TDP1: variants seen among roughly 807,000 people sequenced by gnomAD.
The protein encoded by TDP1 is tyr-DNA phosphodiesterase 1.
A neutral mutation model predicts 81.5 loss-of-function variants in TDP1; 64 were observed. That is an observed-to-expected ratio of 0.79 (90% confidence interval 0.64 to 0.97). The LOEUF (loss-of-function observed/expected upper bound fraction) is 0.97, where lower values mean the gene tolerates loss of function less well. Ranked by LOEUF, TDP1 falls within the 50% of genes least tolerant of loss-of-function variation. The pLI, the probability that TDP1 is intolerant of heterozygous loss-of-function variation, is 0.00. For missense variants in TDP1, 723 were observed against 743.8 expected, an observed-to-expected ratio of 0.97 and a Z score of 0.33; for synonymous variants, 256 against 264.3, an observed-to-expected ratio of 0.97 and a Z score of 0.30.
At chr14:90,005,293 C>G (rs1897562834) in intron 14 of TDP1, among the ~76,000 whole-genome samples, 1 of 152,192 alleles carries the variant, frequency 6.6e-6, no homozygotes, top group Non-Finnish European at 1.5e-5. Flanking sequence ...AAACCCCTTT[C>G]AGAAGCCACC....
chr14:89,985,591 A>G (rs1895469853), intron 10 of TDP1, among the ~76,000 whole-genome samples: 1 of 152,234 alleles, frequency 6.6e-6, no homozygotes, highest in South Asian at 2.1e-4. Context: ...GCTATAATAT[A>G]TTTTGATTAT....
chr14:89,975,224 G>C (rs1362677572), intron 6 of TDP1, among the ~76,000 whole-genome samples: 5 of 152,092 alleles, frequency 3.3e-5, no homozygotes, highest in Non-Finnish European at 7.4e-5. Context: ...TACAGGCGCT[G>C]GCCACCACGC....
intron 13 of TDP1, chr14:89,993,113 G>A (rs1896358531): frequency 1.4e-5 from 14 of 972,154 alleles, no homozygotes; most frequent in Non-Finnish European, 1.6e-5. Context: ...TAATATGTAT[G>A]CATGTATGTA....
At chr14:89,983,628 T>C (rs780840329) in intron 8 of TDP1, among the ~76,000 whole-genome samples, 1 of 152,238 alleles carries the variant, frequency 6.6e-6, no homozygotes, top group Non-Finnish European at 1.5e-5. Context: ...CTGTAAGTCA[T>C]TGCTTTGCAA....
intron 15 of TDP1, among the ~76,000 whole-genome samples, chr14:90,031,143 A>G (rs1343219968): frequency 6.6e-6 from 1 of 151,806 alleles, no homozygotes; most frequent in Non-Finnish European, 1.5e-5. Context: ...GTTTTAGGGT[A>G]CATGTGCACA....
intron 12 of TDP1, among the ~76,000 whole-genome samples, chr14:89,991,281 T>C (rs1896152273): frequency 6.6e-6 from 1 of 152,156 alleles, no homozygotes; most frequent in African/African-American, 2.4e-5. Context: ...CAATTATAAT[T>C]TTTTGTTTTC....
At chr14:89,963,062 G>A in intron 2 of TDP1, 46 bp from the exon 3 acceptor site, 2 of 1,613,842 alleles carry the variant, frequency 1.2e-6, no homozygotes, top group Non-Finnish European at 1.7e-6. Context: ...TTTTGCCAAT[G>A]CCCTGATGAA....
chr14:90,005,404 TA>T (rs200588649), intron 14 of TDP1, among the ~76,000 whole-genome samples: 67 of 151,686 alleles, frequency 4.4e-4, no homozygotes, highest in African/African-American at 1.5e-3. Flanking sequence ...TCTCGAGGTT[TA>T]AAAAAAAAAT....
At chr14:89,982,881 C>A (rs946809409) in intron 8 of TDP1, among the ~76,000 whole-genome samples, 8 of 152,146 alleles carry the variant, frequency 5.3e-5, no homozygotes, top group African/African-American at 1.9e-4. Flanking sequence ...TACAATCTCA[C>A]TTCATAATTG....
At chr14:90,011,437 G>A (rs1224515686) in intron 14 of TDP1, among the ~76,000 whole-genome samples, 1 of 152,190 alleles carries the variant, frequency 6.6e-6, no homozygotes. Flanking sequence ...TAGAGACTTG[G>A]AGGGCTCAGA....
Position 89,963,366 on chromosome 14 carries a change from C to T in TDP1, c.252C>T (p.Asp84=). 1.2e-6 allele frequency: 2 copies of T among 1,614,158 alleles called. No individual in the cohort carries two copies. Among genetic ancestry groups the T allele is most frequent in the Non-Finnish European group, 1.7e-6 (2 of 1,180,026 alleles). ...PKRQKSGSQE[D]LGWCLSSSDD... Reference sequence around the variant, plus strand: ...GGCAGAAAAGCGGTTCCCAGGAGGACCTCGGCTGGTGTCTGTCCAGCAGTG... The same window carrying T: ...GGCAGAAAAGCGGTTCCCAGGAGGATCTCGGCTGGTGTCTGTCCAGCAGTG... Residue 84 remains aspartate, a synonymous_variant, in exon 3 of 17, where the codon GAC becomes GAT. Coordinates refer to ENST00000335725, the MANE Select transcript of TDP1 (RefSeq NM_018319.4).
chr14:89,992,338 G>A (rs112487695), intron 13 of TDP1, among the ~76,000 whole-genome samples: 1,659 of 152,288 alleles, frequency 0.011, 19 homozygotes, highest in Middle Eastern at 0.044. Context: ...CACACATGCA[G>A]CTGCAAGCTT....
At chr14:89,975,581 G>GT (rs35133244) in intron 6 of TDP1, 200 bp from the exon 7 acceptor site, 30,376 of 267,706 alleles carry the variant, frequency 0.11, 71 homozygotes, top group Non-Finnish European at 0.13. Flanking sequence ...CAAAATTTGT[G>GT]TTTTTTTTTT....
chr14:89,993,242 TCA>T (rs1265852081), intron 13 of TDP1, 132 bp from the exon 14 acceptor site: 5 of 1,291,672 alleles, frequency 3.9e-6, no homozygotes, highest in Non-Finnish European at 5.2e-6. Flanking sequence ...TCATAAAATC[TCA>T]CAGGTCACAG....
chr14:89,972,983 AT>A (rs1157885035), intron 6 of TDP1, among the ~76,000 whole-genome samples: 3 of 152,062 alleles, frequency 2.0e-5, no homozygotes, highest in African/African-American at 7.2e-5. Flanking sequence ...TCCAACTCAT[AT>A]TGTATCACTC....
intron 8 of TDP1, chr14:89,981,473 C>T (rs1894966345): frequency 2.2e-6 from 1 of 454,630 alleles, no homozygotes; most frequent in African/African-American, 2.0e-5. Context: ...CCATTTTGTA[C>T]ATCTCTGCCT....
chr14:89,996,815 T>G (rs565097221), intron 14 of TDP1, among the ~76,000 whole-genome samples: 2 of 152,272 alleles, frequency 1.3e-5, no homozygotes, highest in African/African-American at 4.8e-5. Context: ...GGCAGACACT[T>G]CTGGTGCTTT....
intron 16 of TDP1, among the ~76,000 whole-genome samples, chr14:90,041,902 C>G (rs1888396518): frequency 1.3e-5 from 2 of 152,174 alleles, no homozygotes; most frequent in Non-Finnish European, 2.9e-5. Flanking sequence ...TATTGAGCAC[C>G]TACAACAGGA....
rs1896835467 is a variant in TDP1, at chr14:89,998,375, TATATATATATATATA to T, written c.1541+4893_1541+4907del. On this transcript the variant is annotated intron_variant, in intron 14 of 16. Transcript: ENST00000335725. ...TCCAGGCACAGTTCCAAGCACATTA[TATATATATATATATA>T]TATATATATATATATATATATATAT... is the stretch of plus-strand genomic sequence containing the variant. Among the ~76,000 whole-genome samples, 11 of 4,158 alleles carry T rather than the reference TATATATATATATATA, an allele frequency of 2.6e-3. No homozygotes were observed. The Admixed American group carries it at 0.031, about 12-fold the overall frequency. The allele number at this position is 4,158 out of a possible 152,430, so 2.7% of individuals were successfully genotyped here. A position where few individuals can be genotyped will look rare whatever the true frequency, so the allele number is the denominator to read the frequency against.
Sources: gnomAD v4.1 joint callset for allele counts (sites outside exome capture counted in the v4.1 genomes callset) on GRCh38, gnomAD v4.1.1 for gene constraint, MANE v1.5 for transcripts, NCBI Gene and HGNC (gene_info 2026-07-23, HGNC 2026-07-21) for gene names.